NRG3: variants seen among roughly 807,000 people sequenced by gnomAD.
NRG3 encodes the protein pro-neuregulin-3, membrane-bound isoform.
In NRG3, 31 loss-of-function variants were observed where a neutral mutation model predicts 66.9. The observed-to-expected ratio is 0.46, with a 90% CI of 0.35 to 0.63. NRG3 has a LOEUF of 0.63. Among genes scored for constraint, NRG3 ranks in the 20% least tolerant of loss-of-function variants. The pLI, the probability that NRG3 is intolerant of heterozygous loss-of-function variation, is 0.00. For synonymous variants in NRG3, 393 were observed against 359.4 expected (o/e 1.09, Z -1.06); for missense variants, 910 against 878.9 (o/e 1.04, Z -0.45).
intron 7 of NRG3, among the ~76,000 whole-genome samples, chr10:82,976,348 G>GC (rs1297283569): frequency 6.6e-6 from 1 of 152,156 alleles, no homozygotes; most frequent in Admixed American, 6.5e-5. Context: ...GAGCCACTGT[G>GC]CCCCACCATG....
chr10:82,705,318 A>G (rs1056803421), intron 2 of NRG3, among the ~76,000 whole-genome samples: 2 of 152,194 alleles, frequency 1.3e-5, no homozygotes, highest in African/African-American at 4.8e-5. Flanking sequence ...TTTGCATGTT[A>G]GACAATGCTA....
At chr10:82,339,468 C>T (rs1196786549) in intron 1 of NRG3, among the ~76,000 whole-genome samples, 2 of 152,096 alleles carry the variant, frequency 1.3e-5, no homozygotes, top group African/African-American at 4.8e-5. Context: ...ACCATCAGAT[C>T]TTGTGAGAAC....
chr10:82,621,524 C>G (rs1430605494), intron 2 of NRG3, among the ~76,000 whole-genome samples: 1 of 152,164 alleles, frequency 6.6e-6, no homozygotes, highest in African/African-American at 2.4e-5. Context: ...TGCGTGTTGG[C>G]TGTTAGTATC....
At chr10:82,502,626 C>T (rs1470071623) in intron 2 of NRG3, among the ~76,000 whole-genome samples, 1 of 152,194 alleles carries the variant, frequency 6.6e-6, no homozygotes, top group African/African-American at 2.4e-5. Context: ...CTGGAGTCTC[C>T]TGTCACCTAC....
In NRG3 at chr10:82,935,530, C is replaced by A. The variant is rs115372047; in HGVS notation, c.1055-15939C>A. 5.0e-3 allele frequency among the ~76,000 whole-genome samples: 758 copies of A among 152,284 alleles called. 9 individuals carry two copies. Among genetic ancestry groups the A allele is most frequent in the African/African-American group, 0.018 (739 of 41,570 alleles). On this transcript the variant is annotated intron_variant, in intron 4 of 8. Coordinates refer to ENST00000372141, the MANE Select transcript of NRG3 (RefSeq NM_001010848.4). ...ATAGACCTATGAGCACTAACATAAACAACGCCCATGACTTATTACAAGTTT... is the reference window on the plus strand; with the variant it reads ...ATAGACCTATGAGCACTAACATAAAAAACGCCCATGACTTATTACAAGTTT...
intron 1 of NRG3, among the ~76,000 whole-genome samples, chr10:82,007,442 T>C (rs10732793): frequency 0.97 from 147,054 of 152,042 alleles, 71,153 homozygotes; most frequent in East Asian, 1. Flanking sequence ...CTCTTGACTT[T>C]GTGATCTGCA....
At chr10:82,120,772 A>G (rs571778546) in intron 1 of NRG3, among the ~76,000 whole-genome samples, 4 of 152,190 alleles carry the variant, frequency 2.6e-5, no homozygotes, top group Admixed American at 1.3e-4. Context: ...CTGTGGACTA[A>G]TATTGAATTC....
intron 2 of NRG3, among the ~76,000 whole-genome samples, chr10:82,683,051 C>T (rs571696185): frequency 1.4e-5 from 2 of 142,178 alleles, no homozygotes; most frequent in East Asian, 2.4e-4. Context: ...CTCTGCCTTC[C>T]GGGTTCACGC....
chr10:82,978,197 T>A (rs1270029490), intron 7 of NRG3, among the ~76,000 whole-genome samples: 1 of 152,094 alleles, frequency 6.6e-6, no homozygotes, highest in Non-Finnish European at 1.5e-5. Flanking sequence ...CAGCAATGGA[T>A]TTTTATAGAG....
chr10:82,871,983 G>A (rs527510538), intron 4 of NRG3, among the ~76,000 whole-genome samples: 71 of 152,046 alleles, frequency 4.7e-4, no homozygotes, highest in Non-Finnish European at 5.2e-4. Flanking sequence ...ACTTTGCCTC[G>A]TTCATAATCT....
intron 2 of NRG3, among the ~76,000 whole-genome samples, chr10:82,477,892 A>G (rs1156552352): frequency 6.6e-6 from 1 of 152,134 alleles, no homozygotes; most frequent in Admixed American, 6.5e-5. Flanking sequence ...GAGAGTCTGC[A>G]ATGACTCTGG....
At chr10:82,476,019 G>T (rs1023617207) in intron 2 of NRG3, among the ~76,000 whole-genome samples, 3 of 152,044 alleles carry the variant, frequency 2.0e-5, no homozygotes, top group African/African-American at 7.2e-5. Context: ...TAAAAAAAGA[G>T]CAAATGACTT....
At chr10:82,654,854 A>T (rs539962218) in intron 2 of NRG3, among the ~76,000 whole-genome samples, 4 of 152,238 alleles carry the variant, frequency 2.6e-5, no homozygotes, top group East Asian at 3.9e-4. Flanking sequence ...TCTTCAGGTA[A>T]CATAGAAGTT....
intron 2 of NRG3, among the ~76,000 whole-genome samples, chr10:82,465,129 CT>C (rs975406708): frequency 2.2e-4 from 33 of 152,320 alleles, no homozygotes; most frequent in African/African-American, 7.9e-4. Context: ...ACCAGAGTGG[CT>C]GCAAGGCTAA....
At chr10:82,904,704 T>C (rs1481459308) in intron 4 of NRG3, among the ~76,000 whole-genome samples, 3 of 152,108 alleles carry the variant, frequency 2.0e-5, no homozygotes, top group Non-Finnish European at 4.4e-5. Flanking sequence ...TAGACCTCTG[T>C]GTTAGAGAAT....
chr10:82,012,865 C>A (rs943814724), intron 1 of NRG3, among the ~76,000 whole-genome samples: 1 of 152,172 alleles, frequency 6.6e-6, no homozygotes, highest in Non-Finnish European at 1.5e-5. Flanking sequence ...ATTGTCCATA[C>A]CACTGTCAGC....
At chr10:82,872,800 C>A (rs1425918216) in intron 4 of NRG3, among the ~76,000 whole-genome samples, 1 of 151,298 alleles carries the variant, frequency 6.6e-6, no homozygotes, top group Non-Finnish European at 1.5e-5. Context: ...AAAGGGGACA[C>A]TTAAGCTGAG....
chr10:82,568,322 A>G (rs1331163431), intron 2 of NRG3, among the ~76,000 whole-genome samples: 15 of 152,054 alleles, frequency 9.9e-5, no homozygotes, highest in African/African-American at 9.6e-5. Flanking sequence ...TCAGCTGAAC[A>G]TCAGCTTTAG....
chr10:82,011,002 T>TTA (rs575597666), intron 1 of NRG3, among the ~76,000 whole-genome samples: 82 of 152,220 alleles, frequency 5.4e-4, no homozygotes, highest in Admixed American at 1.8e-3. Flanking sequence ...AGGCTGTGTC[T>TTA]TATCTGTGTC....
Sources: allele counts gnomAD v4.1 joint callset (sites outside exome capture counted in the v4.1 genomes callset), GRCh38; gene constraint gnomAD v4.1.1; transcripts MANE v1.5; gene names NCBI Gene and HGNC (gene_info 2026-07-23, HGNC 2026-07-21).